TRIM14: variants seen among roughly 807,000 people sequenced by gnomAD.
The protein encoded by TRIM14 is tripartite motif containing 14.
A neutral mutation model predicts 44.5 loss-of-function variants in TRIM14; 28 were observed. That is an observed-to-expected ratio of 0.63 (90% CI 0.47 to 0.86). The LOEUF (loss-of-function observed/expected upper bound fraction) is 0.86. Among genes scored for constraint, TRIM14 ranks in the 40% least tolerant of loss-of-function variants. TRIM14 has a pLI of 0.00. For synonymous variants in TRIM14, 299 were observed against 269.2 expected (o/e 1.11, Z -1.08); for missense variants, 607 against 611.1 (o/e 0.99, Z 0.07).
In TRIM14 at chr9:98,094,940, CTT is replaced by C; in HGVS notation, c.625_626del (p.Lys209GlufsTer4). The C allele has an allele frequency of 1.9e-6, 3 of 1,614,202 alleles. No homozygotes were observed. Among genetic ancestry groups the C allele is most frequent in the Non-Finnish European group, 2.5e-6 (3 of 1,180,032 alleles). On this transcript the variant is annotated frameshift_variant, in exon 4 of 6. Transcript: ENST00000341469. LOFTEE classifies it high-confidence loss of function. ...HPVPLSFEPV[K>X]SFFKGLVEAV... is the part of the protein sequence containing the mutation. Reference sequence around the variant, plus strand: ...CTTCCACGAGGCCCTTAAAGAAGCTCTTGACGGGCTCAAAGGAGAGGGGCACG... The same window carrying C: ...CTTCCACGAGGCCCTTAAAGAAGCTCGACGGGCTCAAAGGAGAGGGGCACG...
chr9:98,096,591 T>TTTTTTGTTTTCTGCCTTTG lies in TRIM14; in HGVS notation c.538-1563_538-1562insCAAAGGCAGAAAACAAAAA, dbSNP rs576561205. ...CAGCCACTTTTTTGCCTTTGCAGAC[T>TTTTTTGTTTTCTGCCTTTG]CAGAGAACAGAAATCCCAGCCCTTC... On this transcript the variant is annotated intron_variant, in intron 3 of 5. Transcript: ENST00000341469. Among the ~76,000 whole-genome samples, 223 of 152,258 alleles carry TTTTTTGTTTTCTGCCTTTG rather than the reference T, an allele frequency of 1.5e-3. 2 individuals carry two copies. Among genetic ancestry groups the TTTTTTGTTTTCTGCCTTTG allele is most frequent in the Middle Eastern group, 0.01 (3 of 294 alleles).
At chr9:98,041,615 TG>T in the TRIM14 span, among the ~76,000 whole-genome samples, 1 of 151,690 alleles carries the variant, frequency 6.6e-6, no homozygotes, top group African/African-American at 2.4e-5. Context: ...CCTCAGCCTC[TG>T]GAGTAGCTGG....
exon 7 of TRIM14, chr9:98,069,280 C>CA (rs1239520797): frequency 1.4e-5 from 2 of 144,630 alleles, no homozygotes; most frequent in East Asian, 4.5e-4. Flanking sequence ...AACTATTTTT[C>CA]TTTTTTTTTT....
chr9:98,089,043 T>A (rs1825905173), intron 5 of TRIM14, among the ~76,000 whole-genome samples: 1 of 152,234 alleles, frequency 6.6e-6, no homozygotes, highest in South Asian at 2.1e-4. Context: ...TTGTGACTAA[T>A]GTTGCTATAA....
At chr9:98,079,143 G>T (rs2117988098) in intron 6 of TRIM14, among the ~76,000 whole-genome samples, 1 of 152,254 alleles carries the variant, frequency 6.6e-6, no homozygotes, top group Admixed American at 6.5e-5. Flanking sequence ...CCAGTCCCAA[G>T]TCGGGAAGCC....
chr9:98,064,527 A>T (rs954648589), downstream of TRIM14, among the ~76,000 whole-genome samples: 10 of 152,124 alleles, frequency 6.6e-5, no homozygotes, highest in Admixed American at 5.9e-4. Flanking sequence ...AAGTTCTGGG[A>T]TTACAGGTGT....
chr9:98,057,922 G>GTTTTTTTTT, the TRIM14 span, among the ~76,000 whole-genome samples: 11 of 78,088 alleles, frequency 1.4e-4, no homozygotes, highest in Admixed American at 2.0e-4. Flanking sequence ...TTTTTTCCTG[G>GTTTTTTTTT]TTTTTTTTTT....
chr9:98,064,368 C>T (rs1330090894), downstream of TRIM14, among the ~76,000 whole-genome samples: 1 of 152,202 alleles, frequency 6.6e-6, no homozygotes, highest in Non-Finnish European at 1.5e-5. Flanking sequence ...ATTCTCGTGC[C>T]TCAGCCTCCT....
chr9:98,109,921 TTA>T lies in TRIM14; in HGVS notation c.269_270del (p.Ile90AsnfsTer13), dbSNP rs1427812634. 1 of 1,612,794 alleles carries T rather than the reference TTA, an allele frequency of 6.2e-7. No individual in the cohort carries two copies. The highest frequency in any genetic ancestry group is 8.5e-7 in the Non-Finnish European group (1 of 1,179,588). ...AIKKQQHIDN[I>X]TQIEDATEKL... ...TTCTCGGTGGCATCTTCTATCTGGG[TTA>T]TGTTGTCAATGTGCTGCTGCTTCTT... On this transcript the variant is annotated frameshift_variant, in exon 2 of 6. Transcript: ENST00000341469. LOFTEE classifies it high-confidence loss of function.
chr9:98,089,908 A>G (rs1165602645), intron 5 of TRIM14, among the ~76,000 whole-genome samples: 1 of 152,218 alleles, frequency 6.6e-6, no homozygotes, highest in African/African-American at 2.4e-5. Flanking sequence ...TCTTTAGAAT[A>G]AAACCACTTT....
intron 6 of TRIM14, chr9:98,074,756 G>C (rs148092730): frequency 0.014 from 2,178 of 152,056 alleles, 47 homozygotes; most frequent in African/African-American, 0.05. Flanking sequence ...CCCCTCTCTT[G>C]GGGGGGTTTC....
chr9:98,048,484 A>G, the TRIM14 span, among the ~76,000 whole-genome samples: 2 of 152,222 alleles, frequency 1.3e-5, no homozygotes, highest in Non-Finnish European at 2.9e-5. Context: ...TGTGATGTTT[A>G]TATAAAAGAG....
intron 2 of TRIM14, among the ~76,000 whole-genome samples, chr9:98,101,125 A>G (rs1239303702): frequency 6.6e-6 from 1 of 151,810 alleles, no homozygotes; most frequent in Non-Finnish European, 1.5e-5. Context: ...ACAAGCACGC[A>G]CCACCACACA....
chr9:98,038,331 C>T, the TRIM14 span, among the ~76,000 whole-genome samples: 1 of 152,078 alleles, frequency 6.6e-6, no homozygotes. Context: ...GGACTACAGG[C>T]ATGAGCTACC....
At position 98,087,691 on chromosome 9, in the gene TRIM14, C is replaced by G. The variant is rs1375683603; in HGVS notation, c.1108G>C (p.Glu370Gln). ...TGGCCGTCGTGGAAGGCCCAGTACT[C>G]AAGGTCGTAGCGCTTGAGGCACCAG... The part of the protein sequence containing the change: ...QSWCLKRYDL[E>Q]YWAFHDGQRS... Residue 370 changes from glutamate to glutamine, a missense_variant, in exon 6 of 6, where the codon GAG becomes CAG. By Grantham distance (29) the Glu-to-Gln change is conservative (BLOSUM62 2). This residue lies in a region of TRIM14 where 356 missense variants were observed against 323.0 expected (regional missense o/e 1.10). Transcript: ENST00000341469. The G allele has an allele frequency of 1.6e-5, 25 of 1,600,692 alleles. No homozygotes were observed. Among genetic ancestry groups the G allele is most frequent in the Non-Finnish European group, 2.0e-5 (24 of 1,178,592 alleles).
chr9:98,074,417 G>A (rs2117896182), intron 6 of TRIM14, among the ~76,000 whole-genome samples: 1 of 152,284 alleles, frequency 6.6e-6, no homozygotes, highest in East Asian at 1.9e-4. Context: ...AGGAGTCCCT[G>A]AAGAGAAAGG....
chr9:98,055,630 C>T, the TRIM14 span, among the ~76,000 whole-genome samples: 2 of 152,154 alleles, frequency 1.3e-5, no homozygotes, highest in South Asian at 2.1e-4. Flanking sequence ...ATGACTCCTA[C>T]GTGTCTAATC....
At chr9:98,114,342 T>G (rs1826967606) in intron 1 of TRIM14, among the ~76,000 whole-genome samples, 2 of 148,844 alleles carry the variant, frequency 1.3e-5, no homozygotes, top group Admixed American at 6.7e-5. Flanking sequence ...AGACAATTTG[T>G]TTTTTTTTTG....
chr9:98,115,813 T>A (rs1305694345), intron 1 of TRIM14: 1 of 152,200 alleles, frequency 6.6e-6, no homozygotes, highest in Non-Finnish European at 1.5e-5. Context: ...AAATGATATA[T>A]CTTCATATAT....
Sources: gnomAD v4.1 joint callset for allele counts (sites outside exome capture counted in the v4.1 genomes callset) on GRCh38, gnomAD v4.1.1 for gene constraint, gnomAD v4.1.1 regional missense constraint, MANE v1.5 for transcripts, NCBI Gene and HGNC (gene_info 2026-07-23, HGNC 2026-07-21) for gene names.